The following ZMAT5 variants were observed in gnomAD, a reference collection of about 807,000 sequenced individuals.
ZMAT5 encodes zinc finger matrin-type protein 5.
In ZMAT5, 23 loss-of-function variants were observed where a neutral mutation model predicts 28.0. The ratio of observed to expected loss-of-function variants is 0.82; its 90% CI spans 0.59 to 1.16. The LOEUF (loss-of-function observed/expected upper bound fraction) is 1.16, where lower values mean the gene tolerates loss of function less well. Ranked by LOEUF, ZMAT5 falls within the 50% of genes most tolerant of loss-of-function variation. The pLI is 0.00. For synonymous variants in ZMAT5, 76 were observed against 84.1 expected, an observed-to-expected ratio of 0.90 and a Z score of 0.52; for missense variants, 173 against 212.7, an observed-to-expected ratio of 0.81 and a Z score of 1.16.
chr22:29,731,975 C>G (rs2067850649), intron 5 of ZMAT5: 3 of 152,282 alleles, frequency 2.0e-5, no homozygotes, highest in Admixed American at 1.3e-4. Context: ...CCTAATTTCT[C>G]ATGCTACTCA....
At chr22:29,738,149 C>T (rs1193660175) in intron 5 of ZMAT5, among the ~76,000 whole-genome samples, 181 bp downstream of exon 5, 1 of 152,160 alleles carries the variant, frequency 6.6e-6, no homozygotes, top group Non-Finnish European at 1.5e-5. Flanking sequence ...TTTCAAACAC[C>T]CCTCAGCCTC....
chr22:29,752,418 T>C (rs2068063143), intron 1 of ZMAT5, among the ~76,000 whole-genome samples: 1 of 152,150 alleles, frequency 6.6e-6, no homozygotes, highest in African/African-American at 2.4e-5. Flanking sequence ...ATGGTTCCCT[T>C]CACTTCATCA....
intron 1 of ZMAT5, among the ~76,000 whole-genome samples, chr22:29,761,003 G>A (rs993790855): frequency 3.3e-5 from 5 of 152,166 alleles, no homozygotes; most frequent in Admixed American, 1.3e-4. Flanking sequence ...GGCCAGGCAC[G>A]GTGGCTCACG....
chr22:29,760,488 CA>C (rs1376074606), intron 1 of ZMAT5, among the ~76,000 whole-genome samples: 3 of 151,906 alleles, frequency 2.0e-5, no homozygotes, highest in Admixed American at 6.6e-5. Flanking sequence ...GCAGTGAGCC[CA>C]GATTGTGCCA....
At chr22:29,765,129 T>C (rs1345092343) in intron 1 of ZMAT5, among the ~76,000 whole-genome samples, 1 of 152,136 alleles carries the variant, frequency 6.6e-6, no homozygotes, top group Non-Finnish European at 1.5e-5. Flanking sequence ...GGTCAAAACT[T>C]AGATGTCAGC....
At chr22:29,761,269 C>CAAA (rs131283) in intron 1 of ZMAT5, among the ~76,000 whole-genome samples, 593 of 59,262 alleles carry the variant, frequency 0.01, 22 homozygotes, top group Admixed American at 0.049. Flanking sequence ...AACTCCGTCT[C>CAAA]AAAAAAAAAA....
Position 29,738,445 on chromosome 22 carries a change from TGGGGACAGGGAGACAAAGGCAAGTGA to T in ZMAT5, c.272-30_272-5del. On this transcript the variant is annotated splice_polypyrimidine_tract_variant and splice_region_variant and intron_variant, in intron 4 of 5. Coordinates refer to ENST00000344318, the MANE Select transcript of ZMAT5 (RefSeq NM_001003692.2). ...CACTCCCTGGCTCGCCTCTCCTCTG[TGGGGACAGGGAGACAAAGGCAAGTGA>T]GGGGTACACTCCTGCCTGCCAGAAC... 1 of 1,608,562 alleles carries T rather than the reference TGGGGACAGGGAGACAAAGGCAAGTGA, an allele frequency of 6.2e-7. No homozygotes were observed. The highest frequency in any genetic ancestry group is 8.5e-7 in the Non-Finnish European group (1 of 1,179,208).
At chr22:29,755,338 A>AGAGGGAGAGAGGGAGG (rs2068089825) in intron 1 of ZMAT5, among the ~76,000 whole-genome samples, 1 of 39,266 alleles carries the variant, frequency 2.5e-5, no homozygotes, top group African/African-American at 9.4e-5. Flanking sequence ...AGAGAGAGAG[A>AGAGGGAGAGAGGGAGG]GAGGGAGGGA....
rs548314915 is a variant in ZMAT5, at chr22:29,753,644, G to A, written c.-27-5073C>T. Among the ~76,000 whole-genome samples, 192 of 152,202 alleles carry A rather than the reference G, an allele frequency of 1.3e-3. 1 individual carries two copies. Among genetic ancestry groups the A allele is most frequent in the African/African-American group, 4.5e-3 (187 of 41,512 alleles). On this transcript the variant is annotated intron_variant, in intron 1 of 5. Transcript: ENST00000344318. ...GCGAAGGTTGCAGTGAGCCGAGATC[G>A]AACCACTGCTCTCCAGCCTGGGTGA...
chr22:29,765,075 C>T (rs998882247), intron 1 of ZMAT5, among the ~76,000 whole-genome samples: 8 of 152,130 alleles, frequency 5.3e-5, no homozygotes, highest in African/African-American at 1.9e-4. Flanking sequence ...ACTGATGTGG[C>T]CAAAACAGAA....
chr22:29,759,814 C>T (rs1053280320), intron 1 of ZMAT5, among the ~76,000 whole-genome samples: 1 of 151,924 alleles, frequency 6.6e-6, no homozygotes, highest in Non-Finnish European at 1.5e-5. Flanking sequence ...TGTCTGTAAT[C>T]CTAGCACTTT....
rs749332581 is a variant in ZMAT5 at position 29,740,649 on chromosome 22, C to T, written c.271+1G>A. 1.7e-5 allele frequency: 27 copies of T among 1,599,046 alleles called. No homozygotes were observed. The East Asian group carries it at 2.2e-4, about 13-fold the overall frequency. On this transcript the variant is annotated splice_donor_variant, in intron 4 of 5. Transcript: ENST00000344318. LOFTEE classifies it high-confidence loss of function. ...TTAGCCCAGGGCATCCCGAGACGTA[C>T]CCTCCACCTGGATGCTCAGCTCCTG...
chr22:29,751,469 T>C (rs749514747), intron 1 of ZMAT5, among the ~76,000 whole-genome samples: 10 of 152,224 alleles, frequency 6.6e-5, no homozygotes, highest in Non-Finnish European at 1.5e-4. Flanking sequence ...TAGTGGTTTA[T>C]TGAATACCTA....
At chr22:29,758,466 T>A (rs968746031) in intron 1 of ZMAT5, among the ~76,000 whole-genome samples, 1 of 152,036 alleles carries the variant, frequency 6.6e-6, no homozygotes, top group Admixed American at 6.6e-5. Flanking sequence ...CAGTTTGTTT[T>A]TTTTAAATTA....
At chr22:29,739,981 G>A (rs767577103) in intron 4 of ZMAT5, among the ~76,000 whole-genome samples, 3 of 152,230 alleles carry the variant, frequency 2.0e-5, no homozygotes, top group Non-Finnish European at 2.9e-5. Context: ...AAGCTTAAGG[G>A]GGCAGGCACT....
At chr22:29,738,941 G>A (rs1419227524) in intron 4 of ZMAT5, among the ~76,000 whole-genome samples, 1 of 152,028 alleles carries the variant, frequency 6.6e-6, no homozygotes, top group Non-Finnish European at 1.5e-5. Flanking sequence ...AACCTAGGAG[G>A]TGGAGGCTGC....
chr22:29,757,961 G>A (rs2068119373), intron 1 of ZMAT5, among the ~76,000 whole-genome samples: 1 of 151,274 alleles, frequency 6.6e-6, no homozygotes, highest in South Asian at 2.1e-4. Context: ...AGGTTGCAGT[G>A]AGCCGAGATC....
chr22:29,731,718 G>A (rs953965791), intron 5 of ZMAT5: 1 of 197,950 alleles, frequency 5.1e-6, no homozygotes, highest in Non-Finnish European at 1.0e-5. Flanking sequence ...AAGACATACT[G>A]TGTGATAGGG....
At chr22:29,745,811 G>C (rs971864045) in intron 2 of ZMAT5, among the ~76,000 whole-genome samples, 1 of 152,246 alleles carries the variant, frequency 6.6e-6, no homozygotes, top group Non-Finnish European at 1.5e-5. Flanking sequence ...AGCTGAAGTC[G>C]AGTTCATTCA....
Sources: gnomAD v4.1 joint callset for allele counts (sites outside exome capture counted in the v4.1 genomes callset) on GRCh38, gnomAD v4.1.1 for gene constraint, MANE v1.5 for transcripts, NCBI Gene and HGNC (gene_info 2026-07-23, HGNC 2026-07-21) for gene names.